The following GLIS1 variants were observed in gnomAD, a reference collection of about 807,000 sequenced individuals.
GLIS1 encodes the protein zinc finger protein GLIS1.
In GLIS1, 24 loss-of-function variants were observed where a neutral mutation model predicts 63.8. That is an observed-to-expected ratio of 0.38 (90% confidence interval 0.27 to 0.53). The LOEUF (loss-of-function observed/expected upper bound fraction) is 0.53, where lower values mean the gene tolerates loss of function less well. Ranked by LOEUF, GLIS1 falls within the 20% of genes least tolerant of loss-of-function variation. The probability of loss-of-function intolerance (pLI) is 0.85; values close to 1 mark genes in which losing one functional copy is unlikely to be tolerated. For synonymous variants in GLIS1, 450 were observed against 482.5 expected (o/e 0.93, Z 0.88); for missense variants, 1,036 against 1,074.1 (o/e 0.96, Z 0.50).
At chr1:53,723,756 G>A (rs183857181) in intron 2 of GLIS1, among the ~76,000 whole-genome samples, 2 of 152,084 alleles carry the variant, frequency 1.3e-5, no homozygotes, top group African/African-American at 4.8e-5. Context: ...CACGTGAGTG[G>A]GAAAAAATAA....
intron 2 of GLIS1, among the ~76,000 whole-genome samples, chr1:53,600,546 C>T (rs1645305888): frequency 6.6e-6 from 1 of 152,138 alleles, no homozygotes; most frequent in Non-Finnish European, 1.5e-5. Flanking sequence ...TGGATACCTC[C>T]TATGTACAAA....
At chr1:53,549,819 G>A (rs1644740415) in intron 4 of GLIS1, among the ~76,000 whole-genome samples, 1 of 152,214 alleles carries the variant, frequency 6.6e-6, no homozygotes, top group South Asian at 2.1e-4. Context: ...ACGCCATGAG[G>A]TAGGTATGGT....
At chr1:53,703,601 T>C (rs1646546472) in intron 2 of GLIS1, among the ~76,000 whole-genome samples, 1 of 141,906 alleles carries the variant, frequency 7.0e-6, no homozygotes, top group African/African-American at 2.7e-5. Context: ...ATCACACCAC[T>C]GCACTCCAGC....
chr1:53,608,681 GA>G (rs1354160642), intron 2 of GLIS1, among the ~76,000 whole-genome samples: 1 of 152,164 alleles, frequency 6.6e-6, no homozygotes, highest in Middle Eastern at 3.2e-3. Context: ...TAAGTACCTA[GA>G]ACAGAAACTG....
At chr1:53,507,049 C>T (rs1569702430) in intron 10 of GLIS1, among the ~76,000 whole-genome samples, 1 of 152,190 alleles carries the variant, frequency 6.6e-6, no homozygotes, top group East Asian at 1.9e-4. Flanking sequence ...GGTCCATCAC[C>T]AGGGCTGGGC....
chr1:53,734,321 G>A (rs887705620), intron 2 of GLIS1: 7 of 434,296 alleles, frequency 1.6e-5, no homozygotes, highest in Non-Finnish European at 2.1e-5. Context: ...TTCTAACTAT[G>A]GCATAGATAC....
chr1:53,635,706 A>G (rs1246988979), intron 2 of GLIS1, among the ~76,000 whole-genome samples: 2 of 152,236 alleles, frequency 1.3e-5, no homozygotes, highest in Non-Finnish European at 2.9e-5. Context: ...TGAACTACTG[A>G]CAAAGACCAC....
At chr1:53,547,967 T>C (rs1644721353) in intron 4 of GLIS1, among the ~76,000 whole-genome samples, 2 of 152,260 alleles carry the variant, frequency 1.3e-5, no homozygotes. Flanking sequence ...TTACATGTTT[T>C]CTGCAATAAG....
At chr1:53,648,410 T>C (rs1315363461) in intron 2 of GLIS1, among the ~76,000 whole-genome samples, 1 of 152,016 alleles carries the variant, frequency 6.6e-6, no homozygotes. Context: ...CCAGCGGGAG[T>C]GCTAAAATGG....
rs541048968 is a variant in GLIS1 at position 53,729,245 on chromosome 1, C to A, written c.259+8561G>T. Among the ~76,000 whole-genome samples the A allele has an allele frequency of 3.9e-5, 6 of 152,216 alleles. No homozygotes were observed. The South Asian group carries it at 1.3e-3, about 32-fold the overall frequency. ...TCTGGGATTTTTGCTCCGCATCCAC[C>A]CGCGGACCCCTCCTCACCAAGCCGC... On this transcript the variant is annotated intron_variant, in intron 2 of 10. Transcript: ENST00000628545.
chr1:53,545,206 T>C (rs949845297), intron 4 of GLIS1, among the ~76,000 whole-genome samples: 9 of 152,150 alleles, frequency 5.9e-5, no homozygotes. Flanking sequence ...CTCCCAGGGC[T>C]GTGGAGAGTC....
intron 4 of GLIS1, among the ~76,000 whole-genome samples, chr1:53,592,551 G>A (rs567236409): frequency 4.3e-4 from 65 of 152,316 alleles, no homozygotes; most frequent in South Asian, 3.5e-3. Context: ...CCCTGGCCTG[G>A]CCTGCGCGCT....
intron 2 of GLIS1, among the ~76,000 whole-genome samples, chr1:53,723,095 T>C (rs1646772296): frequency 6.6e-6 from 1 of 151,720 alleles, no homozygotes; most frequent in African/African-American, 2.4e-5. Flanking sequence ...ATCGTGACAC[T>C]GCACTCCAGC....
In GLIS1 at chr1:53,710,980, C is replaced by G. The variant is rs79567986; in HGVS notation, c.259+26826G>C. Among the ~76,000 whole-genome samples the G allele has an allele frequency of 8.5e-3, 1,298 of 152,256 alleles. 28 individuals are homozygous for G. Among genetic ancestry groups the G allele is most frequent in the African/African-American group, 0.03 (1,248 of 41,522 alleles). On this transcript the variant is annotated intron_variant, in intron 2 of 10. Transcript: ENST00000628545. ...CCCAACAGAACTGCCACCCCTCTGC[C>G]TTCCTGAAGTTAAGTTTCTCTGACT...
At chr1:53,545,393 A>T (rs1030698058) in intron 4 of GLIS1, among the ~76,000 whole-genome samples, 2 of 152,242 alleles carry the variant, frequency 1.3e-5, no homozygotes, top group African/African-American at 4.8e-5. Flanking sequence ...ATCATGGGGC[A>T]GACTGTCATG....
chr1:53,629,763 A>C (rs535559616), intron 2 of GLIS1, among the ~76,000 whole-genome samples: 1 of 152,218 alleles, frequency 6.6e-6, no homozygotes, highest in African/African-American at 2.4e-5. Flanking sequence ...TGCCTACTAC[A>C]TATTATTATA....
chr1:53,633,037 ATGAGTGTGAC>A (rs1645681286), intron 2 of GLIS1, among the ~76,000 whole-genome samples: 4 of 117,730 alleles, frequency 3.4e-5, no homozygotes, highest in Non-Finnish European at 5.2e-5. Flanking sequence ...GGGCATGTGT[ATGAGTGTGAC>A]CGAGGGGCGT....
intron 4 of GLIS1, among the ~76,000 whole-genome samples, chr1:53,544,710 T>C (rs565496622): frequency 6.3e-4 from 96 of 152,278 alleles, no homozygotes; most frequent in African/African-American, 2.2e-3. Flanking sequence ...CAGAACTTCA[T>C]ATCTATGTGT....
intron 2 of GLIS1, among the ~76,000 whole-genome samples, chr1:53,648,681 G>T (rs1429275865): frequency 6.6e-6 from 1 of 152,158 alleles, no homozygotes; most frequent in Non-Finnish European, 1.5e-5. Flanking sequence ...TAGCTGCACA[G>T]CATGAACAGA....
Sources: gnomAD v4.1 joint callset for allele counts (sites outside exome capture counted in the v4.1 genomes callset) on GRCh38, gnomAD v4.1.1 for gene constraint, MANE v1.5 for transcripts, NCBI Gene and HGNC (gene_info 2026-07-23, HGNC 2026-07-21) for gene names.